NFATC1: variants seen among roughly 807,000 people sequenced by gnomAD.
NFATC1 encodes the protein nuclear factor of activated T cells 1.
A neutral mutation model predicts 76.0 loss-of-function variants in NFATC1; 22 were observed. That is an observed-to-expected ratio of 0.29 (90% CI 0.21 to 0.41). NFATC1 has a LOEUF of 0.41. Among genes scored for constraint, NFATC1 ranks in the 10% least tolerant of loss-of-function variants. NFATC1 has a pLI of 1.00. For missense variants in NFATC1, 1,357 were observed against 1,337.7 expected (o/e 1.01, Z -0.23); for synonymous variants, 704 against 613.1 (o/e 1.15, Z -2.19).
intron 1 of NFATC1, among the ~76,000 whole-genome samples, chr18:79,408,536 A>T (rs2036892): frequency 0.48 from 73,097 of 152,172 alleles, 20,170 homozygotes; most frequent in East Asian, 0.86. Context: ...GTTTTGTTCT[A>T]AAAGATGGAT....
intron 1 of NFATC1, among the ~76,000 whole-genome samples, chr18:79,409,332 T>TCATC (rs139023757): frequency 5.0e-4 from 74 of 148,068 alleles, no homozygotes; most frequent in African/African-American, 1.6e-3. Context: ...ATCCATTCAT[T>TCATC]CATCCATCCA....
chr18:79,433,655 A>C lies in NFATC1; in HGVS notation c.1303A>C (p.Lys435Gln). 3 of 1,612,938 alleles carry C rather than the reference A, an allele frequency of 1.9e-6. No individual in the cohort carries two copies. The South Asian group carries it at 3.3e-5, about 18-fold the overall frequency. Residue 435 changes from lysine to glutamine, a missense_variant, in exon 3 of 10, where the codon AAG becomes CAG. Around this residue, in one of 3 missense-constraint regions of NFATC1, gnomAD observed 691 missense variants for 613.1 expected, o/e 1.13. Transcript: ENST00000427363. ...TGAGCTTCGGATTGAGGTGCAGCCCAAGTCCCACCACCGAGCCCACTACGA... is the reference window on the plus strand; with the variant it reads ...TGAGCTTCGGATTGAGGTGCAGCCCCAGTCCCACCACCGAGCCCACTACGA... ...PYELRIEVQP[K>Q]SHHRAHYETE...
rs1446801991 is a variant in NFATC1 at position 79,494,008 on chromosome 18, C to T, written c.2782+7071C>T. 2.6e-5 allele frequency among the ~76,000 whole-genome samples: 4 copies of T among 151,414 alleles called. No homozygotes were observed. The East Asian group carries it at 7.7e-4, about 29-fold the overall frequency. ...AGCCCGTCCAGCCCCAGGCCCGGAGCTGCTTCCTCAGGGAGCCCACCCTGT... is the reference window on the plus strand; with the variant it reads ...AGCCCGTCCAGCCCCAGGCCCGGAGTTGCTTCCTCAGGGAGCCCACCCTGT... On this transcript the variant is annotated intron_variant, in intron 9 of 9. Coordinates refer to ENST00000427363, the MANE Select transcript of NFATC1 (RefSeq NM_001278669.2).
intron 8 of NFATC1, among the ~76,000 whole-genome samples, chr18:79,474,775 G>A (rs554382482): frequency 2.7e-5 from 4 of 148,940 alleles, no homozygotes; most frequent in South Asian, 4.2e-4. Context: ...GCTCACTGTC[G>A]ACGTTGCGAG....
intron 1 of NFATC1, among the ~76,000 whole-genome samples, chr18:79,400,877 T>TTCCCCCCCGACCTCCCCCCGCCC (rs2085211221): frequency 2.9e-3 from 1 of 340 alleles, no homozygotes; most frequent in African/African-American, 0.013. Flanking sequence ...GCCATCCTCC[T>TTCCCCCCCGACCTCCCCCCGCCC]CCCTCCCCCC....
chr18:79,466,449 C>T (rs2088497044), intron 7 of NFATC1, among the ~76,000 whole-genome samples: 2 of 152,188 alleles, frequency 1.3e-5, no homozygotes, highest in African/African-American at 4.8e-5. Flanking sequence ...CATCAGGGGC[C>T]CGAGTAACGC....
intron 2 of NFATC1, among the ~76,000 whole-genome samples, chr18:79,414,241 C>T (rs1255480899): frequency 6.6e-6 from 1 of 152,282 alleles, no homozygotes; most frequent in Non-Finnish European, 1.5e-5. Context: ...GAAAATGTCA[C>T]CAGGATCTCA....
At chr18:79,399,228 T>G (rs1600567943) in intron 1 of NFATC1, among the ~76,000 whole-genome samples, 1 of 152,320 alleles carries the variant, frequency 6.6e-6, no homozygotes, top group East Asian at 1.9e-4. Context: ...AGAAACTAAA[T>G]CAGGCCACAC....
At chr18:79,449,015 A>G (rs2278801) in intron 4 of NFATC1, 31 bp downstream of exon 4, 576,408 of 1,603,900 alleles carry the variant, frequency 0.36, 110,222 homozygotes, top group African/African-American at 0.74. Flanking sequence ...GGCCTCTGGC[A>G]GGGGGCGGTA....
chr18:79,413,434 G>A (rs567273236), intron 2 of NFATC1, among the ~76,000 whole-genome samples: 20 of 152,156 alleles, frequency 1.3e-4, no homozygotes, highest in Admixed American at 2.6e-4. Context: ...CCCTGGCTTG[G>A]AGGCGCCGTC....
chr18:79,481,368 C>G (rs1458008852), intron 8 of NFATC1, among the ~76,000 whole-genome samples: 1 of 152,242 alleles, frequency 6.6e-6, no homozygotes, highest in African/African-American at 2.4e-5. Flanking sequence ...GACACCGCCT[C>G]CTGCCACCCC....
intron 2 of NFATC1, chr18:79,422,381 G>C (rs2086124543): frequency 6.6e-6 from 1 of 152,210 alleles, no homozygotes; most frequent in Admixed American, 6.5e-5. Flanking sequence ...CGTCTGAGAA[G>C]GTGTTTGGGG....
intron 1 of NFATC1, among the ~76,000 whole-genome samples, chr18:79,401,598 C>A (rs922840553): frequency 6.6e-6 from 1 of 152,222 alleles, no homozygotes; most frequent in African/African-American, 2.4e-5. Flanking sequence ...CAGTCCTCCC[C>A]GGCTTGAGCC....
chr18:79,506,217 C>T (rs551807315), intron 9 of NFATC1, among the ~76,000 whole-genome samples: 2 of 152,278 alleles, frequency 1.3e-5, no homozygotes, highest in East Asian at 3.9e-4. Context: ...GGCGTGGTTT[C>T]AGTTGCCTCC....
chr18:79,410,999 C>A lies in NFATC1; in HGVS notation c.724C>A (p.Pro242Thr). 6.2e-7 allele frequency: 1 copy of A among 1,609,392 alleles called. No homozygotes were observed. The highest frequency in any genetic ancestry group is 8.5e-7 in the Non-Finnish European group (1 of 1,178,312). The stretch of plus-strand genomic sequence containing the variant: ...CCCGCGGCACTCCCCCTCCACCTCG[C>A]CCCGCGCCAGCGTCACTGAGGAGAG... Reference protein sequence around the residue: ...GSPRHSPSTSPRASVTEESWL... With the variant: ...GSPRHSPSTSTRASVTEESWL... Residue 242 changes from proline to threonine, a missense_variant, in exon 2 of 10, where the codon CCC becomes ACC. By Grantham distance (38) the Pro-to-Thr change is conservative. Around this residue, in one of 3 missense-constraint regions of NFATC1, gnomAD observed 691 missense variants for 613.1 expected, o/e 1.13. Coordinates refer to ENST00000427363, the MANE Select transcript of NFATC1 (RefSeq NM_001278669.2). The surrounding 1 kb of genome is among the most constrained non-coding windows in gnomAD (Gnocchi z 6.7).
At chr18:79,397,074 C>T (rs966069458) in intron 1 of NFATC1, among the ~76,000 whole-genome samples, 30 of 152,202 alleles carry the variant, frequency 2.0e-4, no homozygotes, top group Non-Finnish European at 1.2e-4. Context: ...TCCCTGAAAC[C>T]CGGTGTGGGG....
In NFATC1 at chr18:79,527,484, T is replaced by C. The variant is rs775137194; in HGVS notation, c.2783-44T>C. The stretch of plus-strand genomic sequence containing the variant: ...GGGCTGGGGGCGTTGCTTTGATGTT[T>C]ATGGTATTTCTCTAATACTTTCTCA... On this transcript the variant is annotated intron_variant, in intron 9 of 9. Coordinates refer to ENST00000427363, the MANE Select transcript of NFATC1 (RefSeq NM_001278669.2). 4.6e-6 allele frequency: 7 copies of C among 1,535,096 alleles called. No individual in the cohort carries two copies. The South Asian group carries it at 7.8e-5, about 17-fold the overall frequency.
intron 6 of NFATC1, among the ~76,000 whole-genome samples, chr18:79,454,171 C>T (rs1034865895): frequency 1.3e-5 from 2 of 152,162 alleles, no homozygotes; most frequent in South Asian, 4.1e-4. Context: ...AGTGGCTTCT[C>T]CAGGAAGGGC....
At chr18:79,439,387 G>T (rs1217010696) in intron 3 of NFATC1, among the ~76,000 whole-genome samples, 4 of 152,034 alleles carry the variant, frequency 2.6e-5, no homozygotes, top group Admixed American at 1.3e-4. Context: ...CGGGGAGGAC[G>T]CCGTGGGGTG....
Sources: allele counts gnomAD v4.1 joint callset (sites outside exome capture counted in the v4.1 genomes callset), GRCh38; gene constraint gnomAD v4.1.1; regional missense constraint gnomAD v4.1.1; non-coding constraint Gnocchi (gnomAD v3.1); transcripts MANE v1.5; gene names NCBI Gene and HGNC (gene_info 2026-07-23, HGNC 2026-07-21).